Variants in ATXN1 observed in about 807,000 individuals in gnomAD.
ATXN1 encodes the protein ataxin-1.
ATXN1 carries 8 observed loss-of-function variants against 56.4 expected under a neutral mutation model. The observed-to-expected ratio is 0.14, with a 90% CI of 0.08 to 0.26. The LOEUF (loss-of-function observed/expected upper bound fraction) is 0.26. Among genes scored for constraint, ATXN1 ranks in the 10% least tolerant of loss-of-function variants. The pLI is 1.00. For synonymous variants in ATXN1, 514 were observed against 494.6 expected (o/e 1.04, Z -0.52); for missense variants, 987 against 1,106.5 (o/e 0.89, Z 1.53).
intron 3 of ATXN1, among the ~76,000 whole-genome samples, chr6:16,645,084 C>T (rs1353272073): frequency 1.3e-5 from 2 of 152,142 alleles, no homozygotes; most frequent in African/African-American, 4.8e-5. Context: ...ATTCCAAATT[C>T]CAGGCTGTCT....
At chr6:16,311,095 A>C (rs1335430828) in intron 7 of ATXN1, among the ~76,000 whole-genome samples, 1 of 152,266 alleles carries the variant, frequency 6.6e-6, no homozygotes, top group East Asian at 1.9e-4. Flanking sequence ...CTATTTTTAT[A>C]ATGTGAAGCA....
chr6:16,440,536 G>A (rs147198269), intron 6 of ATXN1, among the ~76,000 whole-genome samples: 301 of 151,224 alleles, frequency 2.0e-3, no homozygotes, highest in African/African-American at 6.9e-3. Context: ...AGCTACTTGG[G>A]AGGCTAAGGT....
rs142615301 is a variant in ATXN1, at chr6:16,326,559, G to A, written c.1752C>T (p.Asn584=). ...AGTCTTCCACCTTCTTTAGCTCCCCGTTGGCCAACTGGATGATGGAGCCTT... is the reference window on the plus strand; with the variant it reads ...AGTCTTCCACCTTCTTTAGCTCCCCATTGGCCAACTGGATGATGGAGCCTT... ...FMKGSIIQLA[N]GELKKVEDLK... The change falls in exon 7 of 8, where the codon AAC becomes AAT. Residue 584 remains asparagine, a synonymous_variant. Transcript: ENST00000436367. The surrounding 1 kb of genome is among the most constrained non-coding windows in gnomAD (Gnocchi z 6.6). 1.2e-4 allele frequency: 199 copies of A among 1,614,080 alleles called. No homozygotes were observed. In the South Asian group the frequency reaches 1.3e-3, roughly 11 times the overall value.
rs79407069 is a variant in ATXN1 at position 16,450,531 on chromosome 6, C to T, written c.-161+35441G>A. Among the ~76,000 whole-genome samples, 1,271 of 152,260 alleles carry T rather than the reference C, an allele frequency of 8.3e-3. 16 individuals are homozygous for T. The highest frequency in any genetic ancestry group is 0.029 in the African/African-American group (1,202 of 41,548). On this transcript the variant is annotated intron_variant, in intron 6 of 7. Coordinates refer to ENST00000436367, the MANE Select transcript of ATXN1 (RefSeq NM_001128164.2). ...GGCAGGGGCTTATTACTCAGAGAGA[C>T]GTAGGTTCAAAGCCAGCACGTTTAT...
intron 4 of ATXN1, among the ~76,000 whole-genome samples, chr6:16,582,781 C>A (rs1463793307): frequency 6.6e-6 from 1 of 152,196 alleles, no homozygotes; most frequent in Non-Finnish European, 1.5e-5. Context: ...GCACACCAGC[C>A]AGTGATCCAC....
At chr6:16,574,807 T>A (rs1025293475) in intron 4 of ATXN1, among the ~76,000 whole-genome samples, 24 of 150,486 alleles carry the variant, frequency 1.6e-4, no homozygotes, top group African/African-American at 5.9e-4. Context: ...TTCACCAGTT[T>A]TTGCACCAAA....
chr6:16,353,834 C>A (rs1386508242), intron 6 of ATXN1, among the ~76,000 whole-genome samples: 1 of 152,202 alleles, frequency 6.6e-6, no homozygotes, highest in Admixed American at 6.5e-5. Context: ...CAGTGAGGGT[C>A]CCCTGAGTCG....
At chr6:16,737,984 T>C (rs1216692483) in intron 2 of ATXN1, 1 of 152,150 alleles carries the variant, frequency 6.6e-6, no homozygotes, top group Non-Finnish European at 1.5e-5. Flanking sequence ...GGCTAAAACC[T>C]AACAGAACTT....
chr6:16,705,811 G>A (rs538929349), intron 2 of ATXN1, among the ~76,000 whole-genome samples: 16 of 152,092 alleles, frequency 1.1e-4, no homozygotes, highest in Non-Finnish European at 1.6e-4. Context: ...TTCTACAACT[G>A]CTTCCTCTCT....
intron 6 of ATXN1, among the ~76,000 whole-genome samples, chr6:16,350,701 T>C (rs1485199193): frequency 6.6e-6 from 1 of 152,200 alleles, no homozygotes; most frequent in Non-Finnish European, 1.5e-5. Flanking sequence ...ATCTATGTGA[T>C]ATCTGATAGT....
chr6:16,725,449 T>C (rs939028663), intron 2 of ATXN1, among the ~76,000 whole-genome samples: 2 of 152,128 alleles, frequency 1.3e-5, no homozygotes, highest in African/African-American at 2.4e-5. Flanking sequence ...GCTAAAGACA[T>C]GGGGGATTAA....
chr6:16,688,971 G>T (rs1312212964), intron 2 of ATXN1, among the ~76,000 whole-genome samples: 1 of 151,852 alleles, frequency 6.6e-6, no homozygotes, highest in Non-Finnish European at 1.5e-5. Flanking sequence ...CATGTGTATT[G>T]CATGTGTATG....
chr6:16,535,037 T>C (rs553967707), intron 4 of ATXN1, among the ~76,000 whole-genome samples: 14 of 152,338 alleles, frequency 9.2e-5, no homozygotes, highest in South Asian at 6.2e-4. Flanking sequence ...ATGAAATCTG[T>C]TGAGTTGACT....
intron 5 of ATXN1, among the ~76,000 whole-genome samples, chr6:16,494,232 G>A (rs1185874427): frequency 1.3e-5 from 2 of 152,116 alleles, no homozygotes; most frequent in Non-Finnish European, 1.5e-5. Flanking sequence ...CAAAACTCAA[G>A]GTATTCTGAA....
At chr6:16,397,664 GGTACATAC>G in intron 6 of ATXN1, among the ~76,000 whole-genome samples, 1 of 152,174 alleles carries the variant, frequency 6.6e-6, no homozygotes, top group Non-Finnish European at 1.5e-5. Flanking sequence ...TACATGTGCA[GGTACATAC>G]CACCAAGCCA....
intron 2 of ATXN1, among the ~76,000 whole-genome samples, chr6:16,703,995 G>A (rs1406152012): frequency 6.6e-6 from 1 of 152,190 alleles, no homozygotes; most frequent in South Asian, 2.1e-4. Flanking sequence ...CTCCAGTGCA[G>A]GCAACAAGAG....
intron 4 of ATXN1, among the ~76,000 whole-genome samples, chr6:16,530,541 A>G (rs1379491404): frequency 6.6e-6 from 1 of 152,158 alleles, no homozygotes; most frequent in East Asian, 1.9e-4. Context: ...TCTTATTTGG[A>G]CTGTACAAAA....
At chr6:16,717,916 G>T (rs537561999) in intron 2 of ATXN1, among the ~76,000 whole-genome samples, 3 of 152,342 alleles carry the variant, frequency 2.0e-5, no homozygotes, top group Admixed American at 2.0e-4. Flanking sequence ...TGTTTAGGAT[G>T]ATGAAGCCAA....
chr6:16,419,860 C>T (rs770952354), intron 6 of ATXN1, among the ~76,000 whole-genome samples: 2 of 152,204 alleles, frequency 1.3e-5, no homozygotes, highest in African/African-American at 2.4e-5. Context: ...TCTACTCCAA[C>T]CCAACCTCAC....
Sources: allele counts gnomAD v4.1 joint callset (sites outside exome capture counted in the v4.1 genomes callset), GRCh38; gene constraint gnomAD v4.1.1; non-coding constraint Gnocchi (gnomAD v3.1); transcripts MANE v1.5; gene names NCBI Gene and HGNC (gene_info 2026-07-23, HGNC 2026-07-21).